INO80: variants seen among roughly 807,000 people sequenced by gnomAD.
INO80 encodes chromatin-remodeling ATPase INO80.
In INO80, 20 loss-of-function variants were observed where a neutral mutation model predicts 203.4. The observed-to-expected ratio is 0.10, with a 90% CI of 0.07 to 0.14. The LOEUF is 0.14. Among genes scored for constraint, INO80 ranks in the 10% least tolerant of loss-of-function variants. INO80 has a pLI of 1.00. For synonymous variants in INO80, 726 were observed against 685.2 expected, an observed-to-expected ratio of 1.06 and a Z score of -0.93; for missense variants, 1,419 against 1,914.4, an observed-to-expected ratio of 0.74 and a Z score of 4.83.
In INO80 at chr15:41,084,197, T is replaced by TA. The variant is rs781522112; in HGVS notation, c.873+1171dup. ...CCTTGGACTATAATTGCAACTTCTT[T>TA]AAAAAAAAAAAAAAAACGCTACATA... On this transcript the variant is annotated intron_variant, in intron 7 of 35. Transcript: ENST00000648947. Among the ~76,000 whole-genome samples, 1,129 of 131,900 alleles carry TA rather than the reference T, an allele frequency of 8.6e-3. 4 individuals carry two copies. The highest frequency in any genetic ancestry group is 0.018 in the African/African-American group (647 of 36,852). The allele number at this position is 131,900 out of a possible 152,430, so 86.5% of individuals were successfully genotyped here. A position where few individuals can be genotyped will look rare whatever the true frequency, so the allele number is the denominator to read the frequency against.
chr15:41,108,891 T>C (rs1343326824), intron 1 of INO80: 1 of 153,136 alleles, frequency 6.5e-6, no homozygotes, highest in African/African-American at 2.4e-5. Context: ...AACAAGAATA[T>C]GTGTGCTCAG....
rs566068438 is a variant in INO80, at chr15:41,089,025, C to T, written c.538-1343G>A. Among the ~76,000 whole-genome samples the T allele has an allele frequency of 2.3e-4, 35 of 151,800 alleles. 1 individual carries two copies. The highest frequency in any genetic ancestry group is 8.0e-4 in the African/African-American group (33 of 41,374). ...CCAACATGATGAAACCACATCTCTA[C>T]TAAAAATAAAAAAAATTAGCCAGGC... On this transcript the variant is annotated intron_variant, in intron 5 of 35. Coordinates refer to ENST00000648947, the MANE Select transcript of INO80 (RefSeq NM_017553.3).
chr15:41,058,771 T>C lies in INO80; in HGVS notation c.1853A>G (p.Tyr618Cys). 6.2e-7 allele frequency: 1 copy of C among 1,612,052 alleles called. No individual in the cohort carries two copies. The highest frequency in any genetic ancestry group is 2.2e-5 in the East Asian group (1 of 44,864). ...CACATGGAAGGGGGCATCCTGAGTG[T>C]AGAGGGTCTTCTGTAAATATAAAAG... Reference protein sequence around the residue: ...IRRFWSQKTLYTQDAPFHVVI... With the variant: ...IRRFWSQKTLCTQDAPFHVVI... Residue 618 changes from tyrosine to cysteine, a missense_variant, in exon 16 of 36, where the codon TAC becomes TGC. By Grantham distance (194) the Tyr-to-Cys change is radical. This residue lies in a region of INO80 where 192 missense variants were observed against 406.7 expected (regional missense o/e 0.47). Coordinates refer to ENST00000648947, the MANE Select transcript of INO80 (RefSeq NM_017553.3).
chr15:41,102,024 T>C (rs1432204159), intron 1 of INO80, among the ~76,000 whole-genome samples: 3 of 151,838 alleles, frequency 2.0e-5, no homozygotes, highest in Non-Finnish European at 4.4e-5. Flanking sequence ...ATCCCGCCTT[T>C]ACTAAAAATA....
intron 14 of INO80, among the ~76,000 whole-genome samples, chr15:41,064,615 A>T (rs902814150): frequency 6.6e-6 from 1 of 152,226 alleles, no homozygotes; most frequent in African/African-American, 2.4e-5. Flanking sequence ...GGCTAAAGTC[A>T]TGCTCAGAAA....
intron 28 of INO80, among the ~76,000 whole-genome samples, chr15:40,997,936 A>G (rs1161084551): frequency 6.6e-6 from 1 of 151,832 alleles, no homozygotes; most frequent in Non-Finnish European, 1.5e-5. Flanking sequence ...TTTAAATCAA[A>G]CCATTCCTAG....
chr15:41,010,401 T>A (rs1042972190), intron 27 of INO80, among the ~76,000 whole-genome samples: 2 of 152,190 alleles, frequency 1.3e-5, no homozygotes, highest in African/African-American at 2.4e-5. Flanking sequence ...ACCTCCTTTT[T>A]AAATTTTTTT....
chr15:41,065,508 C>T (rs1297022682), intron 14 of INO80, among the ~76,000 whole-genome samples: 1 of 152,056 alleles, frequency 6.6e-6, no homozygotes, highest in Non-Finnish European at 1.5e-5. Context: ...TATGACCTAG[C>T]AATTCTACTC....
chr15:41,063,074 T>C (rs971793406), intron 14 of INO80, among the ~76,000 whole-genome samples: 5 of 152,194 alleles, frequency 3.3e-5, no homozygotes, highest in Non-Finnish European at 7.3e-5. Flanking sequence ...CAGTGGCTCA[T>C]GCCTGTAATC....
At position 40,985,870 on chromosome 15, in the gene INO80, T is replaced by C. The variant is rs149162885; in HGVS notation, c.3833-444A>G. Among the ~76,000 whole-genome samples the C allele has an allele frequency of 3.5e-3, 526 of 152,312 alleles. 7 individuals are homozygous for C. Among genetic ancestry groups the C allele is most frequent in the African/African-American group, 0.012 (515 of 41,556 alleles). ...TTGTGGTGAGCCAGGATTGTGACACTGTACTCCAGTCTGGGCAACACAGCA... is the reference window on the plus strand; with the variant it reads ...TTGTGGTGAGCCAGGATTGTGACACCGTACTCCAGTCTGGGCAACACAGCA... On this transcript the variant is annotated intron_variant, in intron 31 of 35. Transcript: ENST00000648947.
In INO80 at chr15:40,980,018, C is replaced by T. The variant is rs954201905; in HGVS notation, c.*205G>A. The stretch of plus-strand genomic sequence containing the variant: ...GGGCTGATCCATGCCCTGTGGCCTT[C>T]CTCCTACAGGCACCCCAGATGCTCC... On this transcript the variant is annotated 3_prime_UTR_variant, in exon 36 of 36. Coordinates refer to ENST00000648947, the MANE Select transcript of INO80 (RefSeq NM_017553.3). The T allele has an allele frequency of 3.4e-6, 2 of 590,218 alleles. No homozygotes were observed. The allele number at this position is 590,218 out of a possible 1,614,324, so 36.6% of individuals were successfully genotyped here. A position where few individuals can be genotyped will look rare whatever the true frequency, so the allele number is the denominator to read the frequency against.
chr15:41,063,402 C>T (rs935982383), intron 14 of INO80, among the ~76,000 whole-genome samples: 1 of 151,906 alleles, frequency 6.6e-6, no homozygotes, highest in Non-Finnish European at 1.5e-5. Context: ...AGTAGAAAAA[C>T]AATTAGGAAG....
At position 41,107,548 on chromosome 15, in the gene INO80, C is replaced by T. The variant is rs147773018; in HGVS notation, c.-44+8425G>A. Among the ~76,000 whole-genome samples, 19 of 151,980 alleles carry T rather than the reference C, an allele frequency of 1.3e-4. No homozygotes were observed. In the East Asian group the frequency reaches 3.3e-3, roughly 26 times the overall value. ...GGTGTGATGGCTCATGCCTATAATC[C>T]CAGCACTTTGGGAGGCCAAGGAGGG... On this transcript the variant is annotated intron_variant, in intron 1 of 35. Coordinates refer to ENST00000648947, the MANE Select transcript of INO80 (RefSeq NM_017553.3).
intron 6 of INO80, among the ~76,000 whole-genome samples, chr15:41,086,650 CAAA>C (rs758638165): frequency 2.9e-5 from 3 of 101,814 alleles, no homozygotes; most frequent in African/African-American, 6.2e-5. Context: ...GACTCCATCT[CAAA>C]AAAAAAAAAA....
At chr15:41,059,822 A>G in intron 15 of INO80, 45 bp downstream of exon 15, 6 of 1,225,094 alleles carry the variant, frequency 4.9e-6, no homozygotes, top group Non-Finnish European at 7.0e-6. Context: ...AGAAATAATG[A>G]CTGCATGTAC....
intron 18 of INO80, 126 bp downstream of exon 18, chr15:41,055,121 G>C: frequency 2.0e-6 from 1 of 508,776 alleles, no homozygotes; most frequent in East Asian, 3.2e-5. Context: ...AAAAAATGTG[G>C]TTTTCTTCCC....
At chr15:41,109,905 C>T (rs2045934664) in intron 1 of INO80, among the ~76,000 whole-genome samples, 1 of 150,104 alleles carries the variant, frequency 6.7e-6, no homozygotes, top group Admixed American at 6.7e-5. Context: ...GCACTCCAGC[C>T]TGGACGACAG....
intron 14 of INO80, among the ~76,000 whole-genome samples, chr15:41,062,662 G>T (rs998846492): frequency 6.6e-6 from 1 of 152,184 alleles, no homozygotes; most frequent in African/African-American, 2.4e-5. Flanking sequence ...TTTCAGGGGT[G>T]AGAAGGTCAT....
chr15:41,026,576 C>CAA (rs1298510355), intron 25 of INO80, among the ~76,000 whole-genome samples: 6 of 150,656 alleles, frequency 4.0e-5, no homozygotes, highest in East Asian at 3.9e-4. Flanking sequence ...AAAACAAAAA[C>CAA]AAAAAAAACC....
Sources: allele counts gnomAD v4.1 joint callset (sites outside exome capture counted in the v4.1 genomes callset), GRCh38; gene constraint gnomAD v4.1.1; regional missense constraint gnomAD v4.1.1; transcripts MANE v1.5; gene names NCBI Gene and HGNC (gene_info 2026-07-23, HGNC 2026-07-21).